PRDM16: variants seen among roughly 807,000 people sequenced by gnomAD.
The protein encoded by PRDM16 is histone-lysine N-methyltransferase PRDM16.
Under a neutral mutation model 110.6 loss-of-function variants are expected in PRDM16, and 23 were observed. The ratio of observed to expected loss-of-function variants is 0.21; its 90% confidence interval spans 0.15 to 0.29. The LOEUF (loss-of-function observed/expected upper bound fraction) is 0.29, where lower values mean the gene tolerates loss of function less well. Ranked by LOEUF, PRDM16 falls within the 10% of genes least tolerant of loss-of-function variation. The pLI is 1.00. For synonymous variants in PRDM16, 799 were observed against 781.8 expected (o/e 1.02, Z -0.37); for missense variants, 1,615 against 1,794.3 (o/e 0.90, Z 1.81).
chr1:3,438,619 T>C lies in PRDM16; in HGVS notation c.*4808T>C. 1 of 183,234 alleles carries C rather than the reference T, an allele frequency of 5.5e-6. No individual in the cohort carries two copies. 11.4% of individuals were successfully genotyped at this position (183,234 alleles called of 1,614,324 possible). On this transcript the variant is annotated 3_prime_UTR_variant, in exon 17 of 17. Transcript: ENST00000270722. ...TATGCAATAAATCTGTGTGCTTTTC[T>C]AAGCCTCGGTGCCCGCGAGCTTCAT...
intron 1 of PRDM16, among the ~76,000 whole-genome samples, chr1:3,127,747 G>A (rs568989082): frequency 2.0e-5 from 3 of 152,366 alleles, no homozygotes; most frequent in East Asian, 3.9e-4. Flanking sequence ...GCGAGAGGCC[G>A]GTTTGCCTAG....
intron 1 of PRDM16, among the ~76,000 whole-genome samples, chr1:3,155,732 T>C (rs1023325494): frequency 6.6e-6 from 1 of 152,192 alleles, no homozygotes; most frequent in Non-Finnish European, 1.5e-5. Flanking sequence ...CACCTTTTAT[T>C]CAAATAAAAT....
At chr1:3,288,405 G>A (rs766466764) in intron 3 of PRDM16, among the ~76,000 whole-genome samples, 2 of 152,166 alleles carry the variant, frequency 1.3e-5, no homozygotes, top group African/African-American at 2.4e-5. Context: ...CCTTCTCTGG[G>A]CTCTATGTCC....
At chr1:3,165,717 A>C (rs1317834116) in intron 1 of PRDM16, among the ~76,000 whole-genome samples, 1 of 67,940 alleles carries the variant, frequency 1.5e-5, no homozygotes, top group East Asian at 6.3e-4. Context: ...GGGCTCAGGG[A>C]CAGTGACTCA....
In PRDM16 at chr1:3,208,827, C is replaced by A. The variant is rs1370508196; in HGVS notation, c.387+22353C>A. ...GTTTGTCCTTTGGAACCATCTCCAC[C>A]CCCTGAAGCCATCTCCTCTTGCTCC... On this transcript the variant is annotated intron_variant, in intron 2 of 16. Transcript: ENST00000270722. The surrounding 1 kb of genome is among the most constrained non-coding windows in gnomAD (Gnocchi z 6.1). Among the ~76,000 whole-genome samples, 1 of 152,192 alleles carries A rather than the reference C, an allele frequency of 6.6e-6. No individual in the cohort carries two copies. The highest frequency in any genetic ancestry group is 2.4e-5 in the African/African-American group (1 of 41,434).
In PRDM16 at chr1:3,187,599, G is replaced by A. The variant is rs555393542; in HGVS notation, c.387+1125G>A. 3.0e-4 allele frequency among the ~76,000 whole-genome samples: 45 copies of A among 152,268 alleles called. No homozygotes were observed. In the South Asian group the frequency reaches 6.2e-3, roughly 21 times the overall value. ...CCCTTGAGCACCTCCCCGGGCTGGC[G>A]GCATTAAGAGCCCTTTGTAAGAACA... On this transcript the variant is annotated intron_variant, in intron 2 of 16. Transcript: ENST00000270722.
At chr1:3,332,101 C>A (rs1181063324) in intron 3 of PRDM16, among the ~76,000 whole-genome samples, 2 of 152,270 alleles carry the variant, frequency 1.3e-5, no homozygotes, top group Non-Finnish European at 2.9e-5. Context: ...GCCAAGCCCC[C>A]GACCCTCCTG....
intron 1 of PRDM16, among the ~76,000 whole-genome samples, chr1:3,141,345 G>A (rs77192050): frequency 6.6e-6 from 1 of 152,188 alleles, no homozygotes; most frequent in Non-Finnish European, 1.5e-5. Flanking sequence ...TTTATGACTG[G>A]TGCCTGCAAT....
chr1:3,404,717 G>T, intron 6 of PRDM16, 22 bp from the exon 7 acceptor site: 1 of 1,611,934 alleles, frequency 6.2e-7, no homozygotes, highest in Non-Finnish European at 8.5e-7. Flanking sequence ...GGGCCCCGCA[G>T]TGAGCCTCGT....
intron 3 of PRDM16, among the ~76,000 whole-genome samples, chr1:3,352,231 C>G: frequency 1.3e-5 from 2 of 152,202 alleles, no homozygotes; most frequent in Non-Finnish European, 2.9e-5. Context: ...TGGGCTGGTG[C>G]TCCCCTCCAC....
At chr1:3,152,218 C>T (rs1643787792) in intron 1 of PRDM16, among the ~76,000 whole-genome samples, 2 of 152,176 alleles carry the variant, frequency 1.3e-5, no homozygotes, top group Admixed American at 1.3e-4. Flanking sequence ...ATTCCTGATT[C>T]AGAATCTGGG....
chr1:3,429,438 C>T (rs548155617), intron 14 of PRDM16, among the ~76,000 whole-genome samples: 73 of 152,376 alleles, frequency 4.8e-4, no homozygotes, highest in African/African-American at 1.7e-3. Flanking sequence ...TGCAAACCCA[C>T]GTGGGGCCAC....
At chr1:3,428,271 G>C (rs947634826) in intron 14 of PRDM16, among the ~76,000 whole-genome samples, 8 of 123,522 alleles carry the variant, frequency 6.5e-5, no homozygotes, top group Admixed American at 7.5e-5. Context: ...GCCCGGCCGC[G>C]CTGCAGGAGA....
intron 1 of PRDM16, among the ~76,000 whole-genome samples, chr1:3,181,260 T>A: frequency 6.8e-6 from 1 of 147,014 alleles, no homozygotes; most frequent in Non-Finnish European, 1.5e-5. Flanking sequence ...ACACACGCAG[T>A]CTTACACACG....
At chr1:3,242,371 G>T (rs891370633) in intron 2 of PRDM16, among the ~76,000 whole-genome samples, 4 of 152,230 alleles carry the variant, frequency 2.6e-5, no homozygotes, top group Non-Finnish European at 5.9e-5. Flanking sequence ...TCTCTGCCCG[G>T]GGCGGCTCAC....
intron 2 of PRDM16, among the ~76,000 whole-genome samples, chr1:3,229,336 G>A (rs1431638371): frequency 6.6e-6 from 1 of 152,194 alleles, no homozygotes; most frequent in African/African-American, 2.4e-5. Context: ...GGCAAGAGGT[G>A]CCCACACCTG....
rs1474457059 is a variant in PRDM16 at position 3,209,466 on chromosome 1, C to T, written c.387+22992C>T. 2.0e-5 allele frequency among the ~76,000 whole-genome samples: 3 copies of T among 152,114 alleles called. No homozygotes were observed. Among genetic ancestry groups the T allele is most frequent in the African/African-American group, 7.2e-5 (3 of 41,410 alleles). Reference sequence around the variant, plus strand: ...TGAAGGTCGCGTGAATGCCTGTGTCCCCCGGGACAGCCAGGGAGGCAGGAG... The same window carrying T: ...TGAAGGTCGCGTGAATGCCTGTGTCTCCCGGGACAGCCAGGGAGGCAGGAG... On this transcript the variant is annotated intron_variant, in intron 2 of 16. Coordinates refer to ENST00000270722, the MANE Select transcript of PRDM16 (RefSeq NM_022114.4). The surrounding 1 kb of genome is among the most constrained non-coding windows in gnomAD (Gnocchi z 4.6).
intron 14 of PRDM16, among the ~76,000 whole-genome samples, chr1:3,427,215 G>T (rs1017167893): frequency 2.0e-5 from 3 of 152,214 alleles, no homozygotes; most frequent in Non-Finnish European, 4.4e-5. Flanking sequence ...ACTTACTCTG[G>T]GGGAGCCTTC....
chr1:3,165,783 T>C lies in PRDM16; in HGVS notation c.38-20342T>C, dbSNP rs907394363. ...CCCAGGGACAGGGACTCACCAGGGCTCAGGGACAGGGACTCACCAGGGCTC... is the reference window on the plus strand; with the variant it reads ...CCCAGGGACAGGGACTCACCAGGGCCCAGGGACAGGGACTCACCAGGGCTC... On this transcript the variant is annotated intron_variant, in intron 1 of 16. Transcript: ENST00000270722. Among the ~76,000 whole-genome samples, 7 of 73,900 alleles carry C rather than the reference T, an allele frequency of 9.5e-5. 3 individuals are homozygous for C. Among genetic ancestry groups the C allele is most frequent in the Non-Finnish European group, 1.4e-4 (6 of 43,810 alleles). 48.5% of individuals were successfully genotyped at this position (73,900 alleles called of 152,430 possible).
Sources: allele counts gnomAD v4.1 joint callset (sites outside exome capture counted in the v4.1 genomes callset), GRCh38; gene constraint gnomAD v4.1.1; non-coding constraint Gnocchi (gnomAD v3.1); transcripts MANE v1.5; gene names NCBI Gene and HGNC (gene_info 2026-07-23, HGNC 2026-07-21).